Variants in ANKS1B observed in about 807,000 individuals in gnomAD.
ANKS1B encodes ankyrin repeat and sterile alpha motif domain-containing protein 1B.
ANKS1B carries 36 observed loss-of-function variants against 148.3 expected under a neutral mutation model. The ratio of observed to expected loss-of-function variants is 0.24; its 90% CI spans 0.19 to 0.32. The LOEUF (loss-of-function observed/expected upper bound fraction) is 0.32, where lower values mean the gene tolerates loss of function less well. Ranked by LOEUF, ANKS1B falls within the 10% of genes least tolerant of loss-of-function variation. ANKS1B has a pLI of 1.00. For missense variants in ANKS1B, 1,157 were observed against 1,542.6 expected (o/e 0.75, Z 4.19); for synonymous variants, 542 against 560.8 (o/e 0.97, Z 0.47).
chr12:98,745,548 A>G lies in ANKS1B; in HGVS notation c.*191T>C. The stretch of plus-strand genomic sequence containing the variant: ...CGCCTCTCAGGGGTTGCGACTGGAA[A>G]GTCTTGCGTTTTCCATCACTGGTGC... On this transcript the variant is annotated 3_prime_UTR_variant, in exon 27 of 27. Coordinates refer to ENST00000683438, the MANE Select transcript of ANKS1B (RefSeq NM_001352186.2). 1 of 1,360,686 alleles carries G rather than the reference A, an allele frequency of 7.3e-7. No homozygotes were observed. The highest frequency in any genetic ancestry group is 9.5e-7 in the Non-Finnish European group (1 of 1,055,558). 84.3% of individuals were successfully genotyped at this position (1,360,686 alleles called of 1,614,324 possible). A position where few individuals can be genotyped will look rare whatever the true frequency, so the allele number is the denominator to read the frequency against.
At chr12:99,407,920 T>G (rs1003556056) in intron 11 of ANKS1B, among the ~76,000 whole-genome samples, 2 of 146,146 alleles carry the variant, frequency 1.4e-5, no homozygotes, top group Non-Finnish European at 3.0e-5. Flanking sequence ...ATATCCATAC[T>G]ACCTAAAGCA....
chr12:99,164,037 T>C (rs1728481696), intron 14 of ANKS1B, among the ~76,000 whole-genome samples: 1 of 152,228 alleles, frequency 6.6e-6, no homozygotes, highest in Admixed American at 6.5e-5. Context: ...TGGCTTACTA[T>C]GTTGAACAAA....
chr12:98,969,521 A>G (rs2153195915), intron 17 of ANKS1B, among the ~76,000 whole-genome samples: 1 of 151,878 alleles, frequency 6.6e-6, no homozygotes, highest in Admixed American at 6.5e-5. Flanking sequence ...AAAAATATGA[A>G]TTATATAAGT....
intron 19 of ANKS1B, among the ~76,000 whole-genome samples, chr12:98,816,857 G>A (rs898248438): frequency 2.6e-5 from 4 of 152,140 alleles, no homozygotes; most frequent in East Asian, 1.9e-4. Context: ...CCATCAACTC[G>A]ATAACCCCTA....
At chr12:99,547,612 A>C (rs1015182089) in intron 9 of ANKS1B, among the ~76,000 whole-genome samples, 3 of 152,164 alleles carry the variant, frequency 2.0e-5, no homozygotes, top group African/African-American at 7.2e-5. Context: ...GGTGATCCTG[A>C]AAGTGTCTCC....
In ANKS1B at chr12:98,801,190, C is replaced by A. The variant is rs1172255246; in HGVS notation, c.3142-65G>T. 2 of 1,554,418 alleles carry A rather than the reference C, an allele frequency of 1.3e-6. No homozygotes were observed. Among genetic ancestry groups the A allele is most frequent in the Non-Finnish European group, 1.8e-6 (2 of 1,139,758 alleles). The stretch of plus-strand genomic sequence containing the variant: ...AGCAAAGTTCATTCCCTGTAGCTAC[C>A]CTGAGCTCACCTTACACACAGGTGC... On this transcript the variant is annotated intron_variant, in intron 20 of 26. Coordinates refer to ENST00000683438, the MANE Select transcript of ANKS1B (RefSeq NM_001352186.2). The surrounding 1 kb of genome is among the most constrained non-coding windows in gnomAD (Gnocchi z 5.2).
At position 99,773,100 on chromosome 12, in the gene ANKS1B, A is replaced by G; in HGVS notation, c.962-12T>C. On this transcript the variant is annotated splice_polypyrimidine_tract_variant and intron_variant, in intron 7 of 26. Transcript: ENST00000683438. The stretch of plus-strand genomic sequence containing the variant: ...AGTGACGGTTTCACCTATGAGAATA[A>G]TTTTTTCAGAAGTTTCAAGAAAGGC... 1 of 1,587,170 alleles carries G rather than the reference A, an allele frequency of 6.3e-7. No individual in the cohort carries two copies. Among genetic ancestry groups the G allele is most frequent in the Non-Finnish European group, 8.6e-7 (1 of 1,168,968 alleles).
At position 99,537,222 on chromosome 12, in the gene ANKS1B, T is replaced by C. The variant is rs143044939; in HGVS notation, c.1273-32581A>G. On this transcript the variant is annotated intron_variant, in intron 9 of 26. Coordinates refer to ENST00000683438, the MANE Select transcript of ANKS1B (RefSeq NM_001352186.2). Reference sequence around the variant, plus strand: ...ATTGTAAACAGTGCTACAATAAACATAGGAGTGCAGATATCTCTTCAACAT... The same window carrying C: ...ATTGTAAACAGTGCTACAATAAACACAGGAGTGCAGATATCTCTTCAACAT... Among the ~76,000 whole-genome samples the C allele has an allele frequency of 2.6e-3, 391 of 152,316 alleles. 1 individual carries two copies. Among genetic ancestry groups the C allele is most frequent in the African/African-American group, 8.3e-3 (347 of 41,576 alleles).
At chr12:99,732,019 C>T (rs373101269) in intron 8 of ANKS1B, among the ~76,000 whole-genome samples, 4 of 151,968 alleles carry the variant, frequency 2.6e-5, no homozygotes, top group African/African-American at 9.7e-5. Context: ...GATACTTCAT[C>T]AAAGAAGATA....
intron 12 of ANKS1B, among the ~76,000 whole-genome samples, chr12:99,380,311 G>A (rs950756271): frequency 2.6e-5 from 4 of 152,134 alleles, no homozygotes; most frequent in South Asian, 2.1e-4. Context: ...AATTACAAAC[G>A]GTGCTTCTTT....
chr12:98,800,690 A>ATATATATATATATATATATATATATG lies in ANKS1B; in HGVS notation c.3270+306_3270+307insCATATATATATATATATATATATATA. Among the ~76,000 whole-genome samples, 46 of 137,996 alleles carry ATATATATATATATATATATATATATG rather than the reference A, an allele frequency of 3.3e-4. 1 individual carries two copies. The highest frequency in any genetic ancestry group is 1.0e-3 in the African/African-American group (40 of 38,332). 90.5% of individuals were successfully genotyped at this position (137,996 alleles called of 152,430 possible). On this transcript the variant is annotated intron_variant, in intron 21 of 26. Transcript: ENST00000683438. ...AGTGAGCAGAGATATATATATATAT[A>ATATATATATATATATATATATATATG]TGCCATATTTACACTCATTTCCATT...
chr12:98,786,091 G>C (rs1032396825), intron 22 of ANKS1B, among the ~76,000 whole-genome samples: 3 of 152,090 alleles, frequency 2.0e-5, no homozygotes, highest in South Asian at 2.1e-4. Context: ...CCTGGGTAAG[G>C]CTCCAAATTA....
chr12:99,055,667 GAA>G (rs1185699017), intron 16 of ANKS1B, among the ~76,000 whole-genome samples: 1 of 147,552 alleles, frequency 6.8e-6, no homozygotes, highest in Non-Finnish European at 1.5e-5. Context: ...CCCAATGCCA[GAA>G]AATTTAGAAT....
At chr12:99,664,159 T>G (rs2098493467) in intron 8 of ANKS1B, among the ~76,000 whole-genome samples, 1 of 152,108 alleles carries the variant, frequency 6.6e-6, no homozygotes, top group East Asian at 1.9e-4. Flanking sequence ...TTAAACTTTT[T>G]TTTTTTCAAC....
At chr12:99,413,837 G>T (rs2094801914) in intron 11 of ANKS1B, among the ~76,000 whole-genome samples, 1 of 152,160 alleles carries the variant, frequency 6.6e-6, no homozygotes, top group African/African-American at 2.4e-5. Flanking sequence ...ACAGGCAACT[G>T]TCCAAAGCAG....
intron 2 of ANKS1B, among the ~76,000 whole-genome samples, chr12:99,822,498 A>G (rs750980449): frequency 1.3e-5 from 2 of 152,118 alleles, no homozygotes; most frequent in African/African-American, 2.4e-5. Flanking sequence ...TATGTCCACA[A>G]GTAGCCAGTA....
chr12:99,747,635 T>C (rs1408977614), intron 8 of ANKS1B, among the ~76,000 whole-genome samples: 1 of 152,118 alleles, frequency 6.6e-6, no homozygotes, highest in East Asian at 1.9e-4. Context: ...ACCTCTTCTC[T>C]CTCTTCTCCT....
At chr12:98,867,574 C>T (rs562230886) in intron 17 of ANKS1B, among the ~76,000 whole-genome samples, 2 of 152,264 alleles carry the variant, frequency 1.3e-5, no homozygotes, top group South Asian at 2.1e-4. Context: ...GAATGTAAGT[C>T]AGTTTGTCGG....
intron 1 of ANKS1B, among the ~76,000 whole-genome samples, chr12:99,857,958 T>C (rs1006913624): frequency 6.6e-6 from 1 of 152,120 alleles, no homozygotes; most frequent in Non-Finnish European, 1.5e-5. Context: ...GGAAAAACCC[T>C]TCTAGACATC....
Sources: allele counts gnomAD v4.1 joint callset (sites outside exome capture counted in the v4.1 genomes callset), GRCh38; gene constraint gnomAD v4.1.1; non-coding constraint Gnocchi (gnomAD v3.1); transcripts MANE v1.5; gene names NCBI Gene and HGNC (gene_info 2026-07-23, HGNC 2026-07-21).